Variants in GABRG2 observed in about 807,000 individuals in gnomAD.
GABRG2 encodes gamma-aminobutyric acid receptor subunit gamma-2.
A neutral mutation model predicts 56.4 loss-of-function variants in GABRG2; 16 were observed. The ratio of observed to expected loss-of-function variants is 0.28; its 90% CI spans 0.19 to 0.43. The LOEUF is 0.43. GABRG2 is among the 20% of genes least tolerant of loss of function. The pLI is 1.00. For missense variants in GABRG2, 327 were observed against 582.7 expected, an observed-to-expected ratio of 0.56 and a Z score of 4.52; for synonymous variants, 208 against 205.5, an observed-to-expected ratio of 1.01 and a Z score of -0.10.
At chr5:162,097,108 T>C (rs528844722) in intron 3 of GABRG2, among the ~76,000 whole-genome samples, 12 of 152,256 alleles carry the variant, frequency 7.9e-5, no homozygotes, top group African/African-American at 2.6e-4. Context: ...TATGACTTTT[T>C]TGCATATTCT....
Position 162,130,289 on chromosome 5 carries a change from A to G in GABRG2, c.770-11875A>G, listed in dbSNP as rs1763645309. The stretch of plus-strand genomic sequence containing the variant: ...AGTTTTTAAACCTATAATTTTGCAG[A>G]ATATTCCCAGGAGTGATTTGACATC... On this transcript the variant is annotated intron_variant, in intron 6 of 9. Coordinates refer to ENST00000639213, the MANE Select transcript of GABRG2 (RefSeq NM_198904.4). Among the ~76,000 whole-genome samples the G allele has an allele frequency of 2.6e-5, 4 of 151,892 alleles. No individual in the cohort carries two copies. In the South Asian group the frequency reaches 8.3e-4, roughly 31 times the overall value.
At chr5:162,086,965 A>C (rs1403682086) in intron 1 of GABRG2, among the ~76,000 whole-genome samples, 1 of 152,086 alleles carries the variant, frequency 6.6e-6, no homozygotes, top group Non-Finnish European at 1.5e-5. Flanking sequence ...TCAATAGATT[A>C]AATTTCTGGG....
At chr5:162,078,505 C>G (rs2113173804) in intron 1 of GABRG2, among the ~76,000 whole-genome samples, 1 of 143,696 alleles carries the variant, frequency 7.0e-6, no homozygotes, top group East Asian at 2.3e-4. Flanking sequence ...CTCCCAGGTT[C>G]ATGCATTCTC....
chr5:162,131,780 C>T (rs1763775287), intron 6 of GABRG2, among the ~76,000 whole-genome samples: 1 of 152,000 alleles, frequency 6.6e-6, no homozygotes, highest in South Asian at 2.1e-4. Flanking sequence ...AGTGTTCGTA[C>T]TGCCCTTCCA....
At chr5:162,090,342 C>CACATAA (rs1402953570) in intron 1 of GABRG2, among the ~76,000 whole-genome samples, 1 of 151,908 alleles carries the variant, frequency 6.6e-6, no homozygotes, top group Non-Finnish European at 1.5e-5. Context: ...CATACACATA[C>CACATAA]ACATACACAT....
chr5:162,081,884 A>G (rs898507465), intron 1 of GABRG2, among the ~76,000 whole-genome samples: 2 of 151,998 alleles, frequency 1.3e-5, no homozygotes, highest in Non-Finnish European at 2.9e-5. Context: ...TACACCTAAC[A>G]TATTACACAG....
chr5:162,097,832 T>C lies in GABRG2; in HGVS notation c.522T>C (p.Asn174=). 1.2e-6 allele frequency: 2 copies of C among 1,613,332 alleles called. No homozygotes were observed. The highest frequency in any genetic ancestry group is 1.7e-6 in the Non-Finnish European group (2 of 1,179,768). ...CCAACAGGATGCTGAGAATTTGGAA[T>C]GATGGTCGAGTGCTCTACACCCTAA... ...TTPNRMLRIW[N]DGRVLYTLRL... is the part of the protein sequence containing the mutation. The change falls in exon 4 of 10, where the codon AAT becomes AAC. Residue 174 remains asparagine, a synonymous_variant. Coordinates refer to ENST00000639213, the MANE Select transcript of GABRG2 (RefSeq NM_198904.4).
At chr5:162,084,159 C>A (rs2113219601) in intron 1 of GABRG2, among the ~76,000 whole-genome samples, 1 of 151,718 alleles carries the variant, frequency 6.6e-6, no homozygotes, top group South Asian at 2.1e-4. Context: ...AGACTTTGCC[C>A]TCAGTATAAT....
intron 3 of GABRG2, 49 bp from the exon 4 acceptor site, chr5:162,097,589 G>T (rs757213858): frequency 7.5e-7 from 1 of 1,339,082 alleles, no homozygotes; most frequent in East Asian, 2.3e-5. Flanking sequence ...TATTTAAAAA[G>T]ATAATCTTAC....
intron 6 of GABRG2, among the ~76,000 whole-genome samples, chr5:162,107,043 C>T (rs191326455): frequency 6.6e-6 from 1 of 152,144 alleles, no homozygotes; most frequent in Admixed American, 6.6e-5. Context: ...GTCTGTTGTT[C>T]CCTTCTATAT....
chr5:162,149,567 A>G (rs1346044308), intron 8 of GABRG2: 2 of 758,534 alleles, frequency 2.6e-6, no homozygotes, highest in Non-Finnish European at 4.8e-6. Flanking sequence ...TGTGGAGACT[A>G]AAGCCATTTT....
At chr5:162,124,844 T>G (rs1470600327) in intron 6 of GABRG2, among the ~76,000 whole-genome samples, 1 of 151,822 alleles carries the variant, frequency 6.6e-6, no homozygotes, top group African/African-American at 2.4e-5. Flanking sequence ...AATACGCTTC[T>G]GCAAAATGAT....
chr5:162,146,888 C>T (rs544137646), intron 7 of GABRG2, among the ~76,000 whole-genome samples: 5 of 152,200 alleles, frequency 3.3e-5, no homozygotes, highest in African/African-American at 9.6e-5. Context: ...ATTTAGGAAA[C>T]TTTCATACTA....
At chr5:162,071,196 C>G (rs950329852) in intron 1 of GABRG2, among the ~76,000 whole-genome samples, 2 of 151,176 alleles carry the variant, frequency 1.3e-5, no homozygotes, top group Non-Finnish European at 3.0e-5. Flanking sequence ...CATATATATG[C>G]ATAGAGATTT....
intron 3 of GABRG2, among the ~76,000 whole-genome samples, chr5:162,096,015 A>G (rs73304546): frequency 0.014 from 2,130 of 152,136 alleles, 50 homozygotes; most frequent in African/African-American, 0.049. Flanking sequence ...GGAGTCCAAA[A>G]TATGATATAA....
chr5:162,136,355 C>T (rs574250171), intron 6 of GABRG2, among the ~76,000 whole-genome samples: 24 of 152,032 alleles, frequency 1.6e-4, no homozygotes, highest in Non-Finnish European at 2.4e-4. Context: ...GTAGCTCTCG[C>T]GCACTTGAAA....
intron 1 of GABRG2, among the ~76,000 whole-genome samples, chr5:162,079,945 A>G (rs1759517341): frequency 6.6e-6 from 1 of 152,048 alleles, no homozygotes. Flanking sequence ...ATGCTCAGCT[A>G]ATTTTTGCAT....
In GABRG2 at chr5:162,090,239, C is replaced by T. The variant is rs192171166; in HGVS notation, c.108-3589C>T. 7.4e-3 allele frequency among the ~76,000 whole-genome samples: 1,118 copies of T among 151,926 alleles called. 15 individuals are homozygous for T. The highest frequency in any genetic ancestry group is 0.024 in the African/African-American group (1,010 of 41,450). ...TGAGAATTTTTATTTAAAAAAAACC[C>T]ATCCCAACACATACACATACACGTA... On this transcript the variant is annotated intron_variant, in intron 1 of 9. Transcript: ENST00000639213.
At chr5:162,082,270 T>C (rs892992882) in intron 1 of GABRG2, among the ~76,000 whole-genome samples, 2 of 151,800 alleles carry the variant, frequency 1.3e-5, no homozygotes, top group Non-Finnish European at 3.0e-5. Context: ...GATAATATAC[T>C]GCCAGAAAAG....
Sources: gnomAD v4.1 joint callset for allele counts (sites outside exome capture counted in the v4.1 genomes callset) on GRCh38, gnomAD v4.1.1 for gene constraint, MANE v1.5 for transcripts, NCBI Gene and HGNC (gene_info 2026-07-23, HGNC 2026-07-21) for gene names.